The following C8B variants were observed in gnomAD, a reference collection of about 807,000 sequenced individuals.
The protein encoded by C8B is complement C8 beta chain.
In C8B, 67 loss-of-function variants were observed where a neutral mutation model predicts 64.6. The observed-to-expected ratio is 1.04, with a 90% CI of 0.85 to 1.27. The LOEUF (loss-of-function observed/expected upper bound fraction) is 1.27, where lower values mean the gene tolerates loss of function less well. C8B is among the 50% of genes most tolerant of loss of function. The probability of loss-of-function intolerance (pLI) is 0.00; values close to 1 mark genes in which losing one functional copy is unlikely to be tolerated. For synonymous variants in C8B, 284 were observed against 257.7 expected (o/e 1.10, Z -0.98); for missense variants, 790 against 725.2 (o/e 1.09, Z -1.03).
chr1:56,959,382 C>G (rs1336223937), intron 2 of C8B: 8 of 628,626 alleles, frequency 1.3e-5, no homozygotes, highest in Non-Finnish European at 2.0e-5. Context: ...AAGGAGCTAT[C>G]GAAGCTCATA....
At chr1:56,941,509 CATAGATAGATAGATAG>C (rs200918831) in intron 8 of C8B, among the ~76,000 whole-genome samples, 38 of 86,784 alleles carry the variant, frequency 4.4e-4, no homozygotes, top group African/African-American at 9.5e-4. Flanking sequence ...TAGATAGATA[CATAGATAGATAGATAG>C]ATAGATAGAT....
At chr1:56,955,535 C>T (rs1645090361) in intron 3 of C8B, among the ~76,000 whole-genome samples, 1 of 152,156 alleles carries the variant, frequency 6.6e-6, no homozygotes, top group African/African-American at 2.4e-5. Context: ...CCTATTTCCT[C>T]AGATATGTCT....
chr1:56,955,707 C>A (rs1420585859), intron 3 of C8B, among the ~76,000 whole-genome samples: 2 of 152,196 alleles, frequency 1.3e-5, no homozygotes, highest in East Asian at 3.9e-4. Flanking sequence ...CACGGATACA[C>A]TGTAAAAAGT....
rs139065703 is a variant in C8B at position 56,944,287 on chromosome 1, G to A, written c.1106-463C>T. Among the ~76,000 whole-genome samples, 651 of 152,278 alleles carry A rather than the reference G, an allele frequency of 4.3e-3. 4 individuals carry two copies. The highest frequency in any genetic ancestry group is 0.015 in the African/African-American group (622 of 41,558). On this transcript the variant is annotated intron_variant, in intron 7 of 11. Coordinates refer to ENST00000371237, the MANE Select transcript of C8B (RefSeq NM_000066.4). ...GCATAGTATCTGGCAAAGAAAAGGG[G>A]CAAATTTCCCTGATTTCTTCTTCAT...
intron 1 of C8B, chr1:56,963,958 A>C (rs1645215571): frequency 1.0e-6 from 1 of 985,280 alleles, no homozygotes; most frequent in Non-Finnish European, 1.2e-6. Context: ...CCAGAACCAA[A>C]GACTATTCTT....
intron 7 of C8B, 21 bp downstream of exon 7, chr1:56,945,800 A>T: frequency 1.2e-6 from 2 of 1,614,104 alleles, no homozygotes; most frequent in Non-Finnish European, 8.5e-7. Flanking sequence ...TAGGAAAGCC[A>T]TGGTCCCTTG....
At chr1:56,936,016 A>G (rs1232191419) in intron 9 of C8B, among the ~76,000 whole-genome samples, 3 of 152,246 alleles carry the variant, frequency 2.0e-5, no homozygotes, top group Non-Finnish European at 4.4e-5. Flanking sequence ...TATATGGATG[A>G]GCCACAATGT....
chr1:56,953,178 C>T (rs768512661), intron 4 of C8B, among the ~76,000 whole-genome samples: 3 of 152,148 alleles, frequency 2.0e-5, no homozygotes, highest in Non-Finnish European at 2.9e-5. Flanking sequence ...CTAAGGCAAG[C>T]TTCCATTCTT....
intron 6 of C8B, among the ~76,000 whole-genome samples, chr1:56,946,865 A>T (rs1377193530): frequency 6.6e-6 from 1 of 152,174 alleles, no homozygotes; most frequent in Non-Finnish European, 1.5e-5. Context: ...GCCTAATCCT[A>T]AATCCTTCAG....
At chr1:56,938,715 T>C (rs900133202) in intron 9 of C8B, among the ~76,000 whole-genome samples, 7 of 152,332 alleles carry the variant, frequency 4.6e-5, no homozygotes, top group African/African-American at 1.7e-4. Context: ...GGACTTGATC[T>C]TGAAGACTGG....
chr1:56,964,017 T>C (rs1159705415), intron 1 of C8B: 1 of 985,208 alleles, frequency 1.0e-6, no homozygotes, highest in African/African-American at 1.7e-5. Context: ...GACAGCCCCA[T>C]GGGGATTATA....
chr1:56,950,043 G>A (rs888030156), intron 5 of C8B, among the ~76,000 whole-genome samples: 2 of 152,196 alleles, frequency 1.3e-5, no homozygotes, highest in African/African-American at 2.4e-5. Context: ...TTAAGCAAAA[G>A]CATGGAGGTG....
intron 9 of C8B, among the ~76,000 whole-genome samples, chr1:56,937,137 T>G (rs1644786822): frequency 6.6e-6 from 1 of 152,238 alleles, no homozygotes; most frequent in Non-Finnish European, 1.5e-5. Flanking sequence ...CTGACATTCT[T>G]GCTCTCTTTG....
chr1:56,929,594 C>T, intron 11 of C8B, 36 bp from the exon 12 acceptor site: 5 of 1,605,108 alleles, frequency 3.1e-6, no homozygotes, highest in Non-Finnish European at 4.3e-6. Flanking sequence ...TCAATCAGCA[C>T]TTCTTATATT....
In C8B at chr1:56,940,965, G is replaced by A. The variant is rs41286844; in HGVS notation, c.1282C>T (p.Arg428Ter). The A allele has an allele frequency of 1.3e-3, 2,134 of 1,613,758 alleles. 4 individuals carry two copies. Among genetic ancestry groups the A allele is most frequent in the Middle Eastern group, 3.0e-3 (18 of 6,062 alleles). ...GTGATGTGCTCACTTGCCCCTCCTCGTACCAGGACCACCAAGTCCTCCACC... is the reference window on the plus strand; with the variant it reads ...GTGATGTGCTCACTTGCCCCTCCTCATACCAGGACCACCAAGTCCTCCACC... ...TMVEDLVVLV[R>*]GGASEHITTL... Residue 428 changes from arginine (R) to a stop codon, truncating the protein, a stop_gained, in exon 9 of 12, where the codon CGA becomes TGA. Transcript: ENST00000371237. LOFTEE classifies it high-confidence loss of function.
At position 56,941,002 on chromosome 1, in the gene C8B, C is replaced by G; in HGVS notation, c.1245G>C (p.Lys415Asn). ...CCAAGTCCTCCACCATGGTGTCCCT[C>G]TTGTTTCTGTCTGGAATGGACACAG... is the stretch of plus-strand genomic sequence containing the variant. Reference protein sequence around the residue: ...GILNEIKDRNKRDTMVEDLVV... With the variant: ...GILNEIKDRNNRDTMVEDLVV... Residue 415 changes from lysine (K) to asparagine (N), a missense_variant, in exon 9 of 12, where the codon AAG (lysine) becomes AAC (asparagine). By Grantham distance (94) the Lys-to-Asn change is moderately conservative. Transcript: ENST00000371237. 1 of 1,614,082 alleles carries G rather than the reference C, an allele frequency of 6.2e-7. No homozygotes were observed. Among genetic ancestry groups the G allele is most frequent in the Non-Finnish European group, 8.5e-7 (1 of 1,180,006 alleles).
intron 4 of C8B, 22 bp downstream of exon 4, chr1:56,954,664 C>T (rs759327902): frequency 6.2e-7 from 1 of 1,613,858 alleles, no homozygotes; most frequent in Non-Finnish European, 8.5e-7. Flanking sequence ...CCCATCTACG[C>T]CACAGAAAAA....
At chr1:56,955,516 A>T (rs887940903) in intron 3 of C8B, among the ~76,000 whole-genome samples, 4 of 152,208 alleles carry the variant, frequency 2.6e-5, no homozygotes, top group African/African-American at 9.7e-5. Flanking sequence ...AGCCCATAAG[A>T]CAGGTAGTCC....
At chr1:56,956,947 G>T in intron 2 of C8B, 37 bp from the exon 3 acceptor site, 5 of 1,613,124 alleles carry the variant, frequency 3.1e-6, no homozygotes, top group Non-Finnish European at 4.2e-6. Flanking sequence ...CAAGGGTAAA[G>T]CCTTAGATCT....
Sources: allele counts gnomAD v4.1 joint callset (sites outside exome capture counted in the v4.1 genomes callset), GRCh38; gene constraint gnomAD v4.1.1; transcripts MANE v1.5; gene names NCBI Gene and HGNC (gene_info 2026-07-23, HGNC 2026-07-21).